Variants in SCNN1B observed in about 807,000 individuals in gnomAD.
SCNN1B encodes the protein epithelial sodium channel subunit beta.
A neutral mutation model predicts 65.3 loss-of-function variants in SCNN1B; 46 were observed. The observed-to-expected ratio is 0.70, with a 90% confidence interval of 0.56 to 0.90. SCNN1B has a LOEUF of 0.90. Among genes scored for constraint, SCNN1B ranks in the 40% least tolerant of loss-of-function variants. SCNN1B has a pLI of 0.00. For missense variants in SCNN1B, 751 were observed against 830.5 expected, an observed-to-expected ratio of 0.90 and a Z score of 1.18; for synonymous variants, 349 against 330.6, an observed-to-expected ratio of 1.06 and a Z score of -0.60.
chr16:23,304,670 T>G (rs967292977), intron 1 of SCNN1B, among the ~76,000 whole-genome samples: 3 of 152,226 alleles, frequency 2.0e-5, no homozygotes, highest in Non-Finnish European at 4.4e-5. Flanking sequence ...GTCCAGGCTG[T>G]GGCCTAAAGA....
At chr16:23,328,074 A>G (rs756373573) in intron 1 of SCNN1B, among the ~76,000 whole-genome samples, 1 of 152,206 alleles carries the variant, frequency 6.6e-6, no homozygotes, top group Non-Finnish European at 1.5e-5. Context: ...CAGTAGGGCC[A>G]GTTGTCTTTA....
rs1230123340 is a variant in SCNN1B at position 23,352,797 on chromosome 16, C to A, written c.312-4C>A. 1 of 1,614,144 alleles carries A rather than the reference C, an allele frequency of 6.2e-7. No individual in the cohort carries two copies. The highest frequency in any genetic ancestry group is 1.7e-5 in the Admixed American group (1 of 60,008). On this transcript the variant is annotated splice_region_variant and splice_polypyrimidine_tract_variant and intron_variant, in intron 2 of 12. Coordinates refer to ENST00000343070, the MANE Select transcript of SCNN1B (RefSeq NM_000336.3). ...TCCCCCTAACCAGCCCTCTCCCCAT[C>A]CAGGTATTCCAAAATCAAGCATTTG...
intron 7 of SCNN1B, chr16:23,372,181 C>T (rs971178698): frequency 2.9e-5 from 14 of 476,144 alleles, no homozygotes; most frequent in Non-Finnish European, 4.3e-5. Flanking sequence ...GCAGCTAACA[C>T]CATCAAGCTT....
chr16:23,361,902 T>TG (rs1275029963), intron 4 of SCNN1B, among the ~76,000 whole-genome samples: 11 of 152,134 alleles, frequency 7.2e-5, no homozygotes, highest in African/African-American at 2.7e-4. Flanking sequence ...TTTGTAGAGA[T>TG]GGGGTCTCCC....
chr16:23,285,139 T>C lies in SCNN1B; in HGVS notation n.178+1335T>C, dbSNP rs527374619. ...TTTGGTTAATAGTAATGTATGAACA[T>C]TGGTTTCTCACTTTTGTCAAAGGTA... On this transcript the variant is annotated intron_variant and non_coding_transcript_variant, in intron 2 of 3. Coordinates refer to the SCNN1B transcript ENST00000569789. 5.3e-5 allele frequency among the ~76,000 whole-genome samples: 8 copies of C among 152,308 alleles called. 1 individual carries two copies. The East Asian group carries it at 5.8e-4, about 11-fold the overall frequency.
chr16:23,377,190 G>T lies in SCNN1B; in HGVS notation c.1296G>T (p.Met432Ile). The T allele has an allele frequency of 6.2e-7, 1 of 1,614,218 alleles. No homozygotes were observed. The highest frequency in any genetic ancestry group is 1.1e-5 in the South Asian group (1 of 91,076). Residue 432 changes from methionine to isoleucine, a missense_variant, in exon 9 of 13, where the codon ATG (methionine) becomes ATT (isoleucine). Met to Ile is a conservative substitution (Grantham distance 10). Transcript: ENST00000343070. ...CCCATTGCTACTCAGATCTACAGAT[G>T]AGCGTGGCGCAGAGAGAGACCTGCA... ...DWAHCYSDLQ[M>I]SVAQRETCIG...
At chr16:23,283,124 C>A (rs560416111) in intron 1 of SCNN1B, among the ~76,000 whole-genome samples, 4 of 152,200 alleles carry the variant, frequency 2.6e-5, no homozygotes, top group Non-Finnish European at 5.9e-5. Context: ...AGAACACTTA[C>A]GTTAAGCTGG....
intron 4 of SCNN1B, among the ~76,000 whole-genome samples, chr16:23,367,578 G>A (rs1049876228): frequency 5.3e-5 from 8 of 152,218 alleles, no homozygotes; most frequent in Non-Finnish European, 1.2e-4. Flanking sequence ...GATTACAGGC[G>A]TGAGCCACCA....
intron 4 of SCNN1B, among the ~76,000 whole-genome samples, chr16:23,362,516 C>G (rs1158785749): frequency 6.6e-6 from 1 of 152,148 alleles, no homozygotes; most frequent in Non-Finnish European, 1.5e-5. Flanking sequence ...CTAGGATGCT[C>G]TATTTCCCAG....
intron 4 of SCNN1B, among the ~76,000 whole-genome samples, chr16:23,357,938 G>A (rs1164286385): frequency 1.3e-5 from 2 of 152,234 alleles, no homozygotes; most frequent in Non-Finnish European, 2.9e-5. Context: ...TCAGCTGAAA[G>A]AGAGCTGTAA....
intron 4 of SCNN1B, among the ~76,000 whole-genome samples, chr16:23,356,633 A>C (rs944181147): frequency 3.3e-5 from 5 of 152,116 alleles, no homozygotes; most frequent in South Asian, 2.1e-4. Flanking sequence ...CTTAAAAAAA[A>C]AAAACAAAAA....
chr16:23,315,301 C>T (rs1961430025), intron 1 of SCNN1B, among the ~76,000 whole-genome samples: 1 of 152,050 alleles, frequency 6.6e-6, no homozygotes, highest in Non-Finnish European at 1.5e-5. Context: ...CGCACCATTG[C>T]ACTCCAGCCT....
Position 23,308,558 on chromosome 16 carries a change from A to G in SCNN1B, c.-9+6121A>G, listed in dbSNP as rs568111936. On this transcript the variant is annotated intron_variant, in intron 1 of 12. Transcript: ENST00000343070. ...AAATGCAGGTTCTCACACTCATCCC[A>G]GACTTCCCACATCAGAGACTCTCAG... Among the ~76,000 whole-genome samples, 3 of 152,310 alleles carry G rather than the reference A, an allele frequency of 2.0e-5. No homozygotes were observed. The South Asian group carries it at 6.2e-4, about 32-fold the overall frequency.
intron 10 of SCNN1B, 28 bp downstream of exon 10, chr16:23,377,414 GCTCCCAC>G (rs1962924332): frequency 6.2e-7 from 1 of 1,612,516 alleles, no homozygotes; most frequent in Admixed American, 1.7e-5. Flanking sequence ...CAAGCTCCTG[GCTCCCAC>G]CTTTGGCTGG....
chr16:23,364,126 A>G (rs1212280310), intron 4 of SCNN1B, among the ~76,000 whole-genome samples: 1 of 152,138 alleles, frequency 6.6e-6, no homozygotes, highest in African/African-American at 2.4e-5. Flanking sequence ...AGATCATGCC[A>G]CTACACTCCA....
intron 4 of SCNN1B, among the ~76,000 whole-genome samples, chr16:23,364,028 G>C (rs938388493): frequency 6.6e-6 from 1 of 151,782 alleles, no homozygotes; most frequent in Admixed American, 6.6e-5. Context: ...TTAGCCAGGC[G>C]TGGTGGCGCA....
intron 1 of SCNN1B, among the ~76,000 whole-genome samples, chr16:23,330,574 GT>G (rs1432395320): frequency 6.6e-6 from 1 of 151,946 alleles, no homozygotes; most frequent in East Asian, 1.9e-4. Context: ...TTGTCTTTTT[GT>G]TTTTTGGGTG....
chr16:23,374,268 GAAAAAAAAA>G lies in SCNN1B; in HGVS notation c.1153-1457_1153-1449del, dbSNP rs1223701346. On this transcript the variant is annotated intron_variant, in intron 7 of 12. Transcript: ENST00000343070. ...GCAACAGAGTGAGACCCTGTCTCAGGAAAAAAAAAAAAAAAAAAAAAGAGGCCGGGCGCG... is the reference window on the plus strand; with the variant it reads ...GCAACAGAGTGAGACCCTGTCTCAGGAAAAAAAAAAAAGAGGCCGGGCGCG... Among the ~76,000 whole-genome samples, 45 of 60,458 alleles carry G rather than the reference GAAAAAAAAA, an allele frequency of 7.4e-4. 3 individuals are homozygous for G. The highest frequency in any genetic ancestry group is 2.0e-3 in the African/African-American group (37 of 18,266). 39.7% of individuals were successfully genotyped at this position (60,458 alleles called of 152,430 possible).
chr16:23,312,889 G>C (rs946975467), intron 1 of SCNN1B, among the ~76,000 whole-genome samples: 5 of 152,118 alleles, frequency 3.3e-5, no homozygotes, highest in African/African-American at 1.2e-4. Context: ...ACCTGGTGAA[G>C]AGCTGTGGTG....
Sources: gnomAD v4.1 joint callset for allele counts (sites outside exome capture counted in the v4.1 genomes callset) on GRCh38, gnomAD v4.1.1 for gene constraint, MANE v1.5 for transcripts, NCBI Gene and HGNC (gene_info 2026-07-23, HGNC 2026-07-21) for gene names.